The following CACNG2 variants were observed in gnomAD, a reference collection of about 807,000 sequenced individuals.
CACNG2 encodes calcium voltage-gated channel auxiliary subunit gamma 2.
A neutral mutation model predicts 25.9 loss-of-function variants in CACNG2; 3 were observed. That is an observed-to-expected ratio of 0.12 (90% confidence interval 0.05 to 0.30). The LOEUF is 0.30. CACNG2 is among the 10% of genes least tolerant of loss of function. The pLI is 1.00. For missense variants in CACNG2, 341 were observed against 432.5 expected, an observed-to-expected ratio of 0.79 and a Z score of 1.88; for synonymous variants, 167 against 173.3, an observed-to-expected ratio of 0.96 and a Z score of 0.29.
At chr22:36,569,379 T>C (rs902219779) in intron 2 of CACNG2, among the ~76,000 whole-genome samples, 2 of 152,154 alleles carry the variant, frequency 1.3e-5, no homozygotes, top group African/African-American at 2.4e-5. Context: ...AGTCTCCCTA[T>C]GTGGCTTCCA....
intron 1 of CACNG2, among the ~76,000 whole-genome samples, chr22:36,595,787 C>T (rs73413802): frequency 0.028 from 4,297 of 152,294 alleles, 218 homozygotes; most frequent in African/African-American, 0.099. Flanking sequence ...TCCATGGAAC[C>T]TCCATCCCAG....
chr22:36,675,196 C>A (rs1388134707), intron 1 of CACNG2, among the ~76,000 whole-genome samples: 1 of 152,100 alleles, frequency 6.6e-6, no homozygotes, highest in African/African-American at 2.4e-5. Flanking sequence ...ACCACCATAC[C>A]CAGCTATTTT....
At chr22:36,621,637 G>A (rs1936107548) in intron 1 of CACNG2, among the ~76,000 whole-genome samples, 1 of 150,966 alleles carries the variant, frequency 6.6e-6, no homozygotes, top group Admixed American at 6.6e-5. Flanking sequence ...ACATACACAG[G>A]CACACACACA....
chr22:36,658,440 G>T (rs1936740117), intron 1 of CACNG2, among the ~76,000 whole-genome samples: 1 of 152,220 alleles, frequency 6.6e-6, no homozygotes, highest in South Asian at 2.1e-4. Context: ...ACTGCATGCT[G>T]GGCTTTTCAC....
At chr22:36,657,173 A>G (rs1936719950) in intron 1 of CACNG2, among the ~76,000 whole-genome samples, 4 of 152,186 alleles carry the variant, frequency 2.6e-5, no homozygotes. Context: ...AATTGTGTAT[A>G]TGGATGAGAT....
chr22:36,620,752 G>A (rs1173032889), intron 1 of CACNG2, among the ~76,000 whole-genome samples: 1 of 152,236 alleles, frequency 6.6e-6, no homozygotes, highest in Non-Finnish European at 1.5e-5. Flanking sequence ...CCTTGCGTCA[G>A]AGCATCCAGA....
At chr22:36,618,767 A>G (rs1284124713) in intron 1 of CACNG2, among the ~76,000 whole-genome samples, 1 of 152,120 alleles carries the variant, frequency 6.6e-6, no homozygotes. Flanking sequence ...AAAAATACAA[A>G]AAATTAGCTG....
At chr22:36,611,062 T>C (rs1428864604) in intron 1 of CACNG2, among the ~76,000 whole-genome samples, 1 of 152,208 alleles carries the variant, frequency 6.6e-6, no homozygotes, top group African/African-American at 2.4e-5. Flanking sequence ...AGGATTCAAT[T>C]TGATATGATG....
At chr22:36,645,406 G>A (rs773951270) in intron 1 of CACNG2, among the ~76,000 whole-genome samples, 4 of 151,856 alleles carry the variant, frequency 2.6e-5, no homozygotes, top group Admixed American at 1.3e-4. Context: ...GCGTTGTGGC[G>A]TGTGCCTGTA....
intron 2 of CACNG2, among the ~76,000 whole-genome samples, chr22:36,580,740 T>C (rs1935401507): frequency 6.6e-6 from 1 of 152,184 alleles, no homozygotes; most frequent in Admixed American, 6.5e-5. Context: ...AGGTGCTTAA[T>C]ACATGACTGT....
intron 1 of CACNG2, among the ~76,000 whole-genome samples, chr22:36,697,904 T>C (rs1601462148): frequency 6.6e-6 from 1 of 152,178 alleles, no homozygotes. Context: ...AGAAAATCAA[T>C]TGGATATTTT....
At chr22:36,699,856 AG>A (rs1441053722) in intron 1 of CACNG2, among the ~76,000 whole-genome samples, 7 of 152,236 alleles carry the variant, frequency 4.6e-5, no homozygotes, top group African/African-American at 1.7e-4. Context: ...AGATCAGTGC[AG>A]TCTTTGAAAA....
chr22:36,635,867 CCT>C (rs1482612862), intron 1 of CACNG2, among the ~76,000 whole-genome samples: 6 of 152,158 alleles, frequency 3.9e-5, no homozygotes, highest in African/African-American at 1.4e-4. Context: ...TGGATATTTC[CCT>C]TTCACTCATC....
chr22:36,597,772 A>G (rs1935699102), intron 1 of CACNG2, among the ~76,000 whole-genome samples: 1 of 152,142 alleles, frequency 6.6e-6, no homozygotes, highest in South Asian at 2.1e-4. Flanking sequence ...GGTGACTCTC[A>G]GTGGCCTGAG....
At chr22:36,674,746 T>C (rs1936999708) in intron 1 of CACNG2, among the ~76,000 whole-genome samples, 1 of 152,244 alleles carries the variant, frequency 6.6e-6, no homozygotes, top group Non-Finnish European at 1.5e-5. Flanking sequence ...CAGGACCCTA[T>C]TCTTACCCAC....
intron 2 of CACNG2, among the ~76,000 whole-genome samples, chr22:36,584,327 G>A (rs1234203159): frequency 1.3e-5 from 2 of 152,214 alleles, no homozygotes; most frequent in Admixed American, 1.3e-4. Flanking sequence ...GGTGGCGCAT[G>A]CATGTAATCC....
chr22:36,600,988 C>G (rs1217686896), intron 1 of CACNG2, among the ~76,000 whole-genome samples: 1 of 152,024 alleles, frequency 6.6e-6, no homozygotes, highest in African/African-American at 2.4e-5. Context: ...CCAGTTTTTC[C>G]CTGTGTGCCA....
At chr22:36,573,971 A>G (rs1290355516) in intron 2 of CACNG2, among the ~76,000 whole-genome samples, 3 of 152,162 alleles carry the variant, frequency 2.0e-5, no homozygotes, top group Middle Eastern at 3.2e-3. Context: ...GAGACCTGGA[A>G]GAAGGCTGGA....
chr22:36,700,940 G>C (rs967752704), intron 1 of CACNG2, among the ~76,000 whole-genome samples: 11 of 152,098 alleles, frequency 7.2e-5, no homozygotes, highest in Non-Finnish European at 7.4e-5. Context: ...ATGTTGGGAG[G>C]GGGGCATGGG....
Sources: allele counts gnomAD v4.1 joint callset (sites outside exome capture counted in the v4.1 genomes callset), GRCh38; gene constraint gnomAD v4.1.1; transcripts MANE v1.5; gene names NCBI Gene and HGNC (gene_info 2026-07-23, HGNC 2026-07-21).